The following NCAM2 variants were observed in gnomAD, a reference collection of about 807,000 sequenced individuals.
The protein encoded by NCAM2 is neural cell adhesion molecule 2, also known as N-CAM-2.
A neutral mutation model predicts 98.1 loss-of-function variants in NCAM2; 30 were observed. The observed-to-expected ratio is 0.31, with a 90% confidence interval of 0.23 to 0.41. NCAM2 has a LOEUF of 0.41. Among genes scored for constraint, NCAM2 ranks in the 10% least tolerant of loss-of-function variants. The pLI is 1.00. For missense variants in NCAM2, 867 were observed against 1,005.8 expected (o/e 0.86, Z 1.87); for synonymous variants, 368 against 342.4 (o/e 1.07, Z -0.83).
At chr21:21,246,955 T>A (rs1393835263) in intron 1 of NCAM2, among the ~76,000 whole-genome samples, 2 of 152,158 alleles carry the variant, frequency 1.3e-5, no homozygotes, top group African/African-American at 4.8e-5. Context: ...AATAATAGCA[T>A]TTAACCTACT....
chr21:21,397,471 G>T (rs996300159), intron 9 of NCAM2, among the ~76,000 whole-genome samples: 1 of 152,196 alleles, frequency 6.6e-6, no homozygotes, highest in Non-Finnish European at 1.5e-5. Context: ...TCCAGAGGGG[G>T]TTGAGGTAGC....
At chr21:21,338,691 T>G (rs2147876357) in intron 8 of NCAM2, among the ~76,000 whole-genome samples, 157 bp downstream of exon 8, 1 of 152,302 alleles carries the variant, frequency 6.6e-6, no homozygotes, top group East Asian at 1.9e-4. Context: ...ATGTCGGCTT[T>G]ACCACTTTCG....
intron 1 of NCAM2, among the ~76,000 whole-genome samples, chr21:21,039,354 A>G (rs2064857842): frequency 6.6e-6 from 1 of 152,224 alleles, no homozygotes; most frequent in South Asian, 2.1e-4. Context: ...CACCATTGGG[A>G]AAGAATAAGT....
intron 16 of NCAM2, among the ~76,000 whole-genome samples, chr21:21,512,619 G>A (rs957340016): frequency 6.6e-6 from 1 of 151,676 alleles, no homozygotes; most frequent in South Asian, 2.1e-4. Context: ...TTCTATTTCT[G>A]TGAAGAATGT....
intron 5 of NCAM2, among the ~76,000 whole-genome samples, chr21:21,308,082 C>T (rs1568915637): frequency 6.6e-6 from 1 of 151,608 alleles, no homozygotes; most frequent in Non-Finnish European, 1.5e-5. Context: ...CACACACACA[C>T]ACACGTACAC....
chr21:21,123,116 G>A (rs575354890), intron 1 of NCAM2, among the ~76,000 whole-genome samples: 4 of 151,214 alleles, frequency 2.6e-5, no homozygotes, highest in African/African-American at 7.3e-5. Flanking sequence ...TTTTGTGTCT[G>A]GGCAGGGGGT....
At position 21,540,013 on chromosome 21, in the gene NCAM2, G is replaced by A. The variant is rs1389757652; in HGVS notation, c.*2056G>A. ...ACAAGCTTAGTAAAGTGTCCATGAA[G>A]CAATAGCCATGAATGCTAATTATTT... On this transcript the variant is annotated 3_prime_UTR_variant, in exon 18 of 18. Coordinates refer to ENST00000400546, the MANE Select transcript of NCAM2 (RefSeq NM_004540.5). 6.6e-6 allele frequency: 1 copy of A among 152,064 alleles called. No individual in the cohort carries two copies. The highest frequency in any genetic ancestry group is 1.9e-4 in the East Asian group (1 of 5,180). The allele number at this position is 152,064 out of a possible 1,614,324, so 9.4% of individuals were successfully genotyped here.
At chr21:21,096,650 G>A (rs550449775) in intron 1 of NCAM2, among the ~76,000 whole-genome samples, 12 of 151,606 alleles carry the variant, frequency 7.9e-5, no homozygotes, top group South Asian at 2.1e-4. Flanking sequence ...TGCCTTGTTC[G>A]ATGGTTATGT....
chr21:21,255,832 G>A (rs1170951754), intron 1 of NCAM2, among the ~76,000 whole-genome samples: 1 of 152,144 alleles, frequency 6.6e-6, no homozygotes, highest in Non-Finnish European at 1.5e-5. Flanking sequence ...CAGAGCACCA[G>A]AGTCCCTTGG....
intron 6 of NCAM2, among the ~76,000 whole-genome samples, chr21:21,332,641 T>C (rs1429716431): frequency 6.6e-6 from 1 of 152,196 alleles, no homozygotes; most frequent in Non-Finnish European, 1.5e-5. Context: ...AGCTCTGTTG[T>C]CTGTGCAGCT....
At chr21:21,155,036 G>A (rs921486102) in intron 1 of NCAM2, among the ~76,000 whole-genome samples, 25 of 151,546 alleles carry the variant, frequency 1.6e-4, no homozygotes, top group African/African-American at 5.8e-4. Flanking sequence ...ATATTGAGAG[G>A]AAAAAACAGG....
chr21:21,056,490 CTGTGTGTGTGTG>C (rs10685980), intron 1 of NCAM2, among the ~76,000 whole-genome samples: 48 of 138,434 alleles, frequency 3.5e-4, no homozygotes, highest in African/African-American at 1.3e-3. Flanking sequence ...AGAGATATGT[CTGTGTGTGTGTG>C]TGTGTGTGTG....
chr21:21,301,259 T>A (rs1353493303), intron 5 of NCAM2, among the ~76,000 whole-genome samples: 1 of 152,174 alleles, frequency 6.6e-6, no homozygotes, highest in Non-Finnish European at 1.5e-5. Context: ...ACTTGTCAGT[T>A]TTTATTTTGT....
At chr21:21,402,525 C>T (rs1166106120) in intron 9 of NCAM2, among the ~76,000 whole-genome samples, 2 of 152,110 alleles carry the variant, frequency 1.3e-5, no homozygotes, top group East Asian at 3.9e-4. Flanking sequence ...AACATAGACC[C>T]TTATCAGGAG....
intron 11 of NCAM2, among the ~76,000 whole-genome samples, chr21:21,424,226 G>A (rs2077168833): frequency 6.6e-6 from 1 of 152,130 alleles, no homozygotes; most frequent in African/African-American, 2.4e-5. Flanking sequence ...AAGGAAATCA[G>A]GATAACTTGA....
At chr21:21,308,016 TC>T in intron 5 of NCAM2, among the ~76,000 whole-genome samples, 1 of 151,916 alleles carries the variant, frequency 6.6e-6, no homozygotes, top group Non-Finnish European at 1.5e-5. Context: ...GGCATTGACA[TC>T]TTTGGGAAGA....
chr21:21,530,087 AATTT>A (rs1457832228), intron 16 of NCAM2, among the ~76,000 whole-genome samples: 1 of 138,170 alleles, frequency 7.2e-6, no homozygotes, highest in Non-Finnish European at 1.6e-5. Context: ...TATATAATTT[AATTT>A]AATTTAATTA....
chr21:21,181,538 T>C (rs1403124926), intron 1 of NCAM2, among the ~76,000 whole-genome samples: 1 of 152,174 alleles, frequency 6.6e-6, no homozygotes, highest in Non-Finnish European at 1.5e-5. Context: ...TCTTAAAATA[T>C]GAATTTTGTG....
chr21:21,414,472 T>C (rs1569037042), intron 10 of NCAM2, among the ~76,000 whole-genome samples: 4 of 68,374 alleles, frequency 5.9e-5, no homozygotes, highest in African/African-American at 2.5e-4. Context: ...TTTTGTTGTG[T>C]GTTTTTTTTT....
Sources: gnomAD v4.1 joint callset for allele counts (sites outside exome capture counted in the v4.1 genomes callset) on GRCh38, gnomAD v4.1.1 for gene constraint, MANE v1.5 for transcripts, NCBI Gene and HGNC (gene_info 2026-07-23, HGNC 2026-07-21) for gene names.